CSMD1: variants seen among roughly 807,000 people sequenced by gnomAD.
CSMD1 encodes CUB and sushi domain-containing protein 1.
Under a neutral mutation model 417.5 loss-of-function variants are expected in CSMD1, and 213 were observed. That is an observed-to-expected ratio of 0.51 (90% CI 0.46 to 0.57). The LOEUF is 0.57. Among genes scored for constraint, CSMD1 ranks in the 20% least tolerant of loss-of-function variants. CSMD1 has a pLI of 0.00. For synonymous variants in CSMD1, 2,862 were observed against 1,736.8 expected, an observed-to-expected ratio of 1.65 and a Z score of -16.11; for missense variants, 6,923 against 4,529.7, an observed-to-expected ratio of 1.53 and a Z score of -15.17.
At chr8:4,314,303 A>G (rs1798800173) in intron 3 of CSMD1, among the ~76,000 whole-genome samples, 1 of 152,208 alleles carries the variant, frequency 6.6e-6, no homozygotes, top group Non-Finnish European at 1.5e-5. Flanking sequence ...GGATTAAAGA[A>G]GAAGAAAATA....
At chr8:3,235,597 C>T (rs775075635) in intron 26 of CSMD1, among the ~76,000 whole-genome samples, 1 of 152,258 alleles carries the variant, frequency 6.6e-6, no homozygotes, top group African/African-American at 2.4e-5. Flanking sequence ...TTTAATCCAG[C>T]GTATCCCACA....
intron 3 of CSMD1, among the ~76,000 whole-genome samples, chr8:4,365,809 G>A (rs143888371): frequency 9.9e-5 from 15 of 152,104 alleles, no homozygotes; most frequent in East Asian, 9.6e-4. Flanking sequence ...CCCTCCAGAG[G>A]TTTTGATCTT....
intron 10 of CSMD1, among the ~76,000 whole-genome samples, chr8:3,516,158 A>G (rs926399358): frequency 3.3e-5 from 5 of 152,224 alleles, no homozygotes; most frequent in Admixed American, 2.0e-4. Context: ...TTGATTTCAA[A>G]GACAATATCC....
At chr8:3,628,912 A>G (rs1402859859) in intron 7 of CSMD1, among the ~76,000 whole-genome samples, 3 of 152,300 alleles carry the variant, frequency 2.0e-5, no homozygotes, top group African/African-American at 4.8e-5. Context: ...GCAGGAAAAA[A>G]TAAGAGAAGG....
rs1161737339 is a variant in CSMD1 at position 3,916,281 on chromosome 8, A to G, written c.818+81622T>C. The stretch of plus-strand genomic sequence containing the variant: ...ACAGGAGCCCAGAAAGCTTTTGTGG[A>G]AAGTCTCATATAAAATCACCTGGTT... On this transcript the variant is annotated intron_variant, in intron 5 of 69. Coordinates refer to ENST00000635120, the MANE Select transcript of CSMD1 (RefSeq NM_033225.6). 2.6e-5 allele frequency among the ~76,000 whole-genome samples: 4 copies of G among 152,180 alleles called. No individual in the cohort carries two copies. In the South Asian group the frequency reaches 8.3e-4, roughly 32 times the overall value.
At chr8:3,737,246 G>A (rs1047380440) in intron 6 of CSMD1, among the ~76,000 whole-genome samples, 7 of 152,056 alleles carry the variant, frequency 4.6e-5, no homozygotes, top group African/African-American at 1.2e-4. Context: ...GAGATAAGCC[G>A]ATTGGGAGTA....
chr8:3,306,981 T>C (rs550674747), intron 25 of CSMD1, among the ~76,000 whole-genome samples: 12 of 152,278 alleles, frequency 7.9e-5, no homozygotes, highest in African/African-American at 2.6e-4. Flanking sequence ...TTTTCTTTTA[T>C]ATGTGTTACT....
chr8:4,240,569 T>C (rs1802338383), intron 3 of CSMD1, among the ~76,000 whole-genome samples: 1 of 152,234 alleles, frequency 6.6e-6, no homozygotes, highest in South Asian at 2.1e-4. Context: ...CCTGCCTTTT[T>C]ATTTTATCTT....
At position 4,264,508 on chromosome 8, in the gene CSMD1, C is replaced by A. The variant is rs1338232796; in HGVS notation, c.415+155445G>T. Reference sequence around the variant, plus strand: ...TCTAGTTTACAAGCTAATGTGTACCCCCCCTGAAGCTGAGAAGCTCCGTTA... The same window carrying A: ...TCTAGTTTACAAGCTAATGTGTACCACCCCTGAAGCTGAGAAGCTCCGTTA... On this transcript the variant is annotated intron_variant, in intron 3 of 69. Coordinates refer to ENST00000635120, the MANE Select transcript of CSMD1 (RefSeq NM_033225.6). 2.0e-5 allele frequency among the ~76,000 whole-genome samples: 3 copies of A among 152,174 alleles called. No individual in the cohort carries two copies. The East Asian group carries it at 5.8e-4, about 29-fold the overall frequency.
chr8:3,061,622 T>C (rs747837644), intron 49 of CSMD1, among the ~76,000 whole-genome samples: 37 of 152,112 alleles, frequency 2.4e-4, no homozygotes, highest in Non-Finnish European at 2.2e-4. Flanking sequence ...CACCGATCCA[T>C]ATACAATAAA....
At chr8:4,400,212 G>A (rs932566115) in intron 3 of CSMD1, among the ~76,000 whole-genome samples, 6 of 152,190 alleles carry the variant, frequency 3.9e-5, no homozygotes, top group Admixed American at 2.6e-4. Flanking sequence ...CTTGAAGCAA[G>A]CTTGGAAGTT....
At chr8:4,491,097 T>G (rs1470749443) in intron 2 of CSMD1, among the ~76,000 whole-genome samples, 2 of 152,006 alleles carry the variant, frequency 1.3e-5, no homozygotes, top group Admixed American at 6.6e-5. Flanking sequence ...TATTAATGGG[T>G]ACTAGGCTTA....
intron 3 of CSMD1, among the ~76,000 whole-genome samples, chr8:4,399,226 A>G (rs1330161748): frequency 6.6e-6 from 1 of 152,192 alleles, no homozygotes; most frequent in Non-Finnish European, 1.5e-5. Flanking sequence ...TATATGACAA[A>G]CCGTATTTCC....
chr8:4,740,400 C>T (rs1365118070), intron 1 of CSMD1, among the ~76,000 whole-genome samples: 2 of 151,972 alleles, frequency 1.3e-5, no homozygotes, highest in African/African-American at 4.8e-5. Context: ...GAAATAGCAG[C>T]CTCTATTTTT....
intron 3 of CSMD1, among the ~76,000 whole-genome samples, chr8:4,202,400 G>C (rs1316552235): frequency 2.0e-5 from 3 of 152,102 alleles, no homozygotes; most frequent in Non-Finnish European, 4.4e-5. Context: ...TCATTCTTAA[G>C]CTTTTTCACA....
intron 5 of CSMD1, among the ~76,000 whole-genome samples, chr8:3,878,208 A>T: frequency 6.6e-6 from 1 of 152,116 alleles, no homozygotes; most frequent in East Asian, 1.9e-4. Flanking sequence ...CAGGGATAAA[A>T]CTAATATCAA....
intron 1 of CSMD1, among the ~76,000 whole-genome samples, chr8:4,977,086 T>G (rs1387109691): frequency 1.3e-5 from 2 of 152,188 alleles, no homozygotes; most frequent in Non-Finnish European, 2.9e-5. Context: ...TATATTGGCG[T>G]TTCTCTCAAG....
chr8:3,680,205 T>G (rs528744390), intron 7 of CSMD1, among the ~76,000 whole-genome samples: 1 of 151,282 alleles, frequency 6.6e-6, no homozygotes. Flanking sequence ...ATGAAGGAGA[T>G]GGAGATACAA....
At chr8:4,821,188 G>C (rs781120627) in intron 1 of CSMD1, among the ~76,000 whole-genome samples, 4 of 152,100 alleles carry the variant, frequency 2.6e-5, no homozygotes, top group African/African-American at 9.7e-5. Flanking sequence ...ACGTCACTGT[G>C]ACATTCAGGT....
Sources: allele counts gnomAD v4.1 joint callset (sites outside exome capture counted in the v4.1 genomes callset), GRCh38; gene constraint gnomAD v4.1.1; transcripts MANE v1.5; gene names NCBI Gene and HGNC (gene_info 2026-07-23, HGNC 2026-07-21).